The following GALK2 variants were observed in gnomAD, a reference collection of about 807,000 sequenced individuals.
GALK2 encodes N-acetylgalactosamine kinase.
Under a neutral mutation model 52.4 loss-of-function variants are expected in GALK2, and 36 were observed. The observed-to-expected ratio is 0.69, with a 90% CI of 0.53 to 0.91. The LOEUF (loss-of-function observed/expected upper bound fraction) is 0.91, where lower values mean the gene tolerates loss of function less well. Among genes scored for constraint, GALK2 ranks in the 40% least tolerant of loss-of-function variants. The probability of loss-of-function intolerance (pLI) is 0.00; values close to 1 mark genes in which losing one functional copy is unlikely to be tolerated. For synonymous variants in GALK2, 176 were observed against 199.1 expected, an observed-to-expected ratio of 0.88 and a Z score of 0.98; for missense variants, 579 against 559.1, an observed-to-expected ratio of 1.04 and a Z score of -0.36.
chr15:49,186,329 G>A (rs534081659), intron 1 of GALK2, among the ~76,000 whole-genome samples: 9 of 151,620 alleles, frequency 5.9e-5, no homozygotes, highest in Non-Finnish European at 7.4e-5. Flanking sequence ...TCCTCTCACT[G>A]TGTATTTTCA....
chr15:49,347,742 G>A lies in GALK2; in HGVS notation c.427-19749G>A, dbSNP rs770882309. ...CCATTAAAATGGATAACATTGGCCA[G>A]GCATGGTGGCTCACGCCAGTAATCT... is the stretch of plus-strand genomic sequence containing the variant. On this transcript the variant is annotated intron_variant, in intron 3 of 3. Coordinates refer to the GALK2 transcript ENST00000558399. Among the ~76,000 whole-genome samples the A allele has an allele frequency of 5.2e-4, 79 of 152,124 alleles. 1 individual carries two copies. The highest frequency in any genetic ancestry group is 1.9e-3 in the Admixed American group (29 of 15,276).
intron 1 of GALK2, among the ~76,000 whole-genome samples, chr15:49,187,668 T>A (rs1022036441): frequency 1.3e-5 from 2 of 152,114 alleles, no homozygotes; most frequent in African/African-American, 4.8e-5. Flanking sequence ...TCTTCCCTCC[T>A]CTTTTCTTAA....
At chr15:49,322,409 G>T (rs2036950980) in intron 9 of GALK2, among the ~76,000 whole-genome samples, 1 of 152,136 alleles carries the variant, frequency 6.6e-6, no homozygotes, top group Non-Finnish European at 1.5e-5. Flanking sequence ...TAGTTGTCTG[G>T]TCCTTAAAGC....
chr15:49,317,746 C>T (rs539433209), intron 8 of GALK2, among the ~76,000 whole-genome samples: 13 of 152,256 alleles, frequency 8.5e-5, no homozygotes, highest in South Asian at 6.2e-4. Flanking sequence ...AGGATGAGTT[C>T]GTGTCCTTTA....
At chr15:49,327,662 A>G (rs911647742) in intron 9 of GALK2, 3 of 229,408 alleles carry the variant, frequency 1.3e-5, no homozygotes, top group Non-Finnish European at 2.5e-5. Context: ...TGGCTACTTT[A>G]TGGAATCAAT....
chr15:49,228,688 T>TATATATATATGTATATATATA, intron 3 of GALK2, among the ~76,000 whole-genome samples: 2 of 10,440 alleles, frequency 1.9e-4, no homozygotes, highest in Non-Finnish European at 1.8e-4. Flanking sequence ...TATATATATA[T>TATATATATATGTATATATATA]TTTTTTTTTT....
chr15:49,229,985 C>T (rs2090410073), intron 3 of GALK2, among the ~76,000 whole-genome samples: 1 of 152,030 alleles, frequency 6.6e-6, no homozygotes, highest in Non-Finnish European at 1.5e-5. Flanking sequence ...ATTTAGGGCT[C>T]GTGAAAATAC....
At chr15:49,170,702 C>T (rs1343303775) in intron 1 of GALK2, 3 of 267,362 alleles carry the variant, frequency 1.1e-5, no homozygotes, top group Admixed American at 5.0e-5. Context: ...CTCTTTGTCT[C>T]GCATGCCAGT....
upstream of GALK2, chr15:49,169,180 G>A (rs1387780231): frequency 6.6e-6 from 1 of 151,854 alleles, no homozygotes; most frequent in African/African-American, 2.4e-5. Context: ...TTCTGGAGCA[G>A]TAACTTACTG....
At chr15:49,165,514 C>A (rs538241233), upstream of GALK2, among the ~76,000 whole-genome samples, 17 of 152,178 alleles carry the variant, frequency 1.1e-4, no homozygotes, top group Admixed American at 2.0e-4. Flanking sequence ...AGCTTATAAT[C>A]TAGCTCTGTG....
At chr15:49,253,847 C>T (rs568263444) in intron 5 of GALK2, among the ~76,000 whole-genome samples, 1 of 143,912 alleles carries the variant, frequency 6.9e-6, no homozygotes, top group African/African-American at 2.5e-5. Flanking sequence ...CAAGCATCAT[C>T]ATCATCATCA....
At chr15:49,265,353 G>A (rs982286556) in intron 5 of GALK2, among the ~76,000 whole-genome samples, 4 of 152,216 alleles carry the variant, frequency 2.6e-5, no homozygotes, top group East Asian at 1.9e-4. Flanking sequence ...GCGAGGCTCC[G>A]TGGGCATAGG....
chr15:49,319,572 T>G, intron 8 of GALK2, 32 bp from the exon 9 acceptor site: 1 of 1,601,432 alleles, frequency 6.2e-7, no homozygotes, highest in Non-Finnish European at 8.6e-7. Context: ...TAACTATTCC[T>G]AACCTCCTTC....
intron 4 of GALK2, among the ~76,000 whole-genome samples, chr15:49,236,181 A>G (rs2090794752): frequency 6.6e-6 from 1 of 152,180 alleles, no homozygotes; most frequent in Non-Finnish European, 1.5e-5. Context: ...TCTGACAAAC[A>G]TCTGTCTGGT....
upstream of GALK2, among the ~76,000 whole-genome samples, chr15:49,166,140 C>T (rs1302708186): frequency 1.3e-5 from 2 of 152,048 alleles, no homozygotes; most frequent in Non-Finnish European, 2.9e-5. Flanking sequence ...TGCTGCTGTT[C>T]TGAGGACCAC....
chr15:49,283,593 A>G lies in GALK2; in HGVS notation c.631A>G (p.Arg211Gly). 6.2e-7 allele frequency: 1 copy of G among 1,613,810 alleles called. No homozygotes were observed. The highest frequency in any genetic ancestry group is 8.5e-7 in the Non-Finnish European group (1 of 1,179,800). The change falls in exon 7 of 10, where the codon AGG (arginine) becomes GGG (glycine). Residue 211 changes from arginine to glycine, a missense_variant. Physicochemically the swap from Arg to Gly is moderately radical, Grantham distance 125. Coordinates refer to ENST00000560031, the MANE Select transcript of GALK2 (RefSeq NM_002044.4). ...TAKLIEFSPL[R>G]ATDVKLPSGA... ...CAAGTTGATAGAATTTAGTCCTCTG[A>G]GGGCAACCGATGTAAAACTCCCAAG... is the stretch of plus-strand genomic sequence containing the variant.
intron 2 of GALK2, among the ~76,000 whole-genome samples, chr15:49,208,743 C>G (rs113064237): frequency 0.06 from 9,176 of 152,162 alleles, 544 homozygotes; most frequent in African/African-American, 0.15. Flanking sequence ...CTAGTGCTGT[C>G]AGTGGAGTAT....
At chr15:49,184,865 T>G (rs568124564) in intron 1 of GALK2, among the ~76,000 whole-genome samples, 96 of 152,336 alleles carry the variant, frequency 6.3e-4, no homozygotes, top group Non-Finnish European at 1.1e-3. Flanking sequence ...CATGTTTTAG[T>G]CTTTCTACTC....
chr15:49,353,223 G>C (rs547060373), intron 3 of GALK2, among the ~76,000 whole-genome samples: 16 of 152,220 alleles, frequency 1.1e-4, no homozygotes, highest in Admixed American at 9.8e-4. Context: ...TATGAATGGA[G>C]AAGAGGCTCA....
Sources: gnomAD v4.1 joint callset for allele counts (sites outside exome capture counted in the v4.1 genomes callset) on GRCh38, gnomAD v4.1.1 for gene constraint, MANE v1.5 for transcripts, NCBI Gene and HGNC (gene_info 2026-07-23, HGNC 2026-07-21) for gene names.